Variants in CACNG2 observed in about 807,000 individuals in gnomAD.
The protein encoded by CACNG2 is calcium voltage-gated channel auxiliary subunit gamma 2.
In CACNG2, 3 loss-of-function variants were observed where a neutral mutation model predicts 25.9. The ratio of observed to expected loss-of-function variants is 0.12; its 90% CI spans 0.05 to 0.30. The LOEUF (loss-of-function observed/expected upper bound fraction) is 0.30, where lower values mean the gene tolerates loss of function less well. Ranked by LOEUF, CACNG2 falls within the 10% of genes least tolerant of loss-of-function variation. CACNG2 has a pLI of 1.00. For synonymous variants in CACNG2, 167 were observed against 173.3 expected (o/e 0.96, Z 0.29); for missense variants, 341 against 432.5 (o/e 0.79, Z 1.88).
intron 1 of CACNG2, among the ~76,000 whole-genome samples, chr22:36,601,668 A>C (rs1217006818): frequency 2.0e-5 from 3 of 152,058 alleles, no homozygotes; most frequent in African/African-American, 7.2e-5. Context: ...TATTTTTAGT[A>C]GAGAGAGGGT....
At chr22:36,671,525 C>T (rs558218026) in intron 1 of CACNG2, among the ~76,000 whole-genome samples, 11 of 152,276 alleles carry the variant, frequency 7.2e-5, no homozygotes, top group South Asian at 2.1e-4. Context: ...CCGCACAAGC[C>T]GAGAGAGGCT....
chr22:36,581,033 C>G (rs908177849), intron 2 of CACNG2, among the ~76,000 whole-genome samples: 1 of 152,164 alleles, frequency 6.6e-6, no homozygotes, highest in Admixed American at 6.5e-5. Flanking sequence ...GCTTGACATT[C>G]AAGAGAAGTC....
At chr22:36,626,839 T>A (rs533955811) in intron 1 of CACNG2, among the ~76,000 whole-genome samples, 1 of 152,298 alleles carries the variant, frequency 6.6e-6, no homozygotes, top group Non-Finnish European at 1.5e-5. Context: ...AGCTTTAGAG[T>A]AAAACGAAGA....
chr22:36,641,164 T>C (rs1256135284), intron 1 of CACNG2, among the ~76,000 whole-genome samples: 3 of 152,190 alleles, frequency 2.0e-5, no homozygotes, highest in Non-Finnish European at 2.9e-5. Context: ...CTTGCCCTGC[T>C]TTATTTTTCT....
At position 36,623,011 on chromosome 22, in the gene CACNG2, G is replaced by GATTTTTTTTTTTTTTTTTTT. The variant is rs1569032646; in HGVS notation, c.212-35464_212-35463insAAAAAAAAAAAAAAAAAAAT. On this transcript the variant is annotated intron_variant, in intron 1 of 3. Coordinates refer to ENST00000300105, the MANE Select transcript of CACNG2 (RefSeq NM_006078.5). Reference sequence around the variant, plus strand: ...TTTCTCATTCAGTCTTCAAAACATGGGTTTTTTTTTTTTTTTTTTTTTTTT... The same window carrying GATTTTTTTTTTTTTTTTTTT: ...TTTCTCATTCAGTCTTCAAAACATGGATTTTTTTTTTTTTTTTTTTGTTTTTTTTTTTTTTTTTTTTTTTT... Among the ~76,000 whole-genome samples the GATTTTTTTTTTTTTTTTTTT allele has an allele frequency of 3.2e-5, 3 of 93,224 alleles. 1 individual carries two copies. The highest frequency in any genetic ancestry group is 8.8e-5 in the African/African-American group (2 of 22,754). 61.2% of individuals were successfully genotyped at this position (93,224 alleles called of 152,430 possible).
chr22:36,687,418 CTT>C (rs1354551135), intron 1 of CACNG2, among the ~76,000 whole-genome samples: 2 of 152,192 alleles, frequency 1.3e-5, no homozygotes, highest in Non-Finnish European at 2.9e-5. Flanking sequence ...TGAACAAACT[CTT>C]TGTCTTATTT....
At chr22:36,567,872 C>T (rs2283968) in intron 2 of CACNG2, among the ~76,000 whole-genome samples, 3 of 151,818 alleles carry the variant, frequency 2.0e-5, no homozygotes, top group African/African-American at 4.8e-5. Flanking sequence ...TTTTTTGAGA[C>T]GGAGTCTTCC....
intron 1 of CACNG2, among the ~76,000 whole-genome samples, chr22:36,633,199 A>G (rs1936302627): frequency 6.6e-6 from 1 of 151,762 alleles, no homozygotes; most frequent in Non-Finnish European, 1.5e-5. Flanking sequence ...CACCTAACTC[A>G]TTTTATATTT....
At chr22:36,603,354 TA>T (rs1420384043) in intron 1 of CACNG2, among the ~76,000 whole-genome samples, 2 of 152,204 alleles carry the variant, frequency 1.3e-5, no homozygotes, top group Non-Finnish European at 2.9e-5. Context: ...GCTGTCTCCA[TA>T]ACAGAAAAGT....
chr22:36,650,012 G>A (rs1936582893), intron 1 of CACNG2, among the ~76,000 whole-genome samples: 1 of 152,196 alleles, frequency 6.6e-6, no homozygotes, highest in East Asian at 1.9e-4. Flanking sequence ...CACTTCTCCT[G>A]TGGCTATCCC....
At chr22:36,624,852 A>G (rs1936160292) in intron 1 of CACNG2, among the ~76,000 whole-genome samples, 1 of 151,602 alleles carries the variant, frequency 6.6e-6, no homozygotes, top group Admixed American at 6.6e-5. Context: ...ACATGGTGAA[A>G]CCCTGTCTCT....
intron 1 of CACNG2, among the ~76,000 whole-genome samples, chr22:36,679,185 C>CTTT (rs1937057899): frequency 1.3e-4 from 13 of 102,588 alleles, no homozygotes; most frequent in African/African-American, 4.9e-4. Context: ...TTCCTTCCTT[C>CTTT]CTTCCTTCCT....
intron 2 of CACNG2, among the ~76,000 whole-genome samples, chr22:36,572,927 G>C (rs937452816): frequency 1.3e-5 from 2 of 152,206 alleles, no homozygotes; most frequent in African/African-American, 4.8e-5. Flanking sequence ...TGGCATGAGA[G>C]ACATGAGGGG....
At chr22:36,643,218 GCTTC>G (rs1220406649) in intron 1 of CACNG2, among the ~76,000 whole-genome samples, 2 of 117,552 alleles carry the variant, frequency 1.7e-5, no homozygotes, top group South Asian at 5.2e-4. Context: ...TTCCTTCCTT[GCTTC>G]CTTCCTTCCC....
At chr22:36,679,542 ACAGTTTT>A (rs1238738076) in intron 1 of CACNG2, among the ~76,000 whole-genome samples, 99 of 152,290 alleles carry the variant, frequency 6.5e-4, no homozygotes, top group African/African-American at 2.3e-3. Context: ...AATCTACTAA[ACAGTTTT>A]CAGGTGAAAG....
At chr22:36,639,445 C>T (rs1180624443) in intron 1 of CACNG2, among the ~76,000 whole-genome samples, 2 of 152,072 alleles carry the variant, frequency 1.3e-5, no homozygotes, top group Admixed American at 6.5e-5. Context: ...CAAAGAGGGA[C>T]TTATGTGGGT....
intron 2 of CACNG2, among the ~76,000 whole-genome samples, chr22:36,570,721 C>T (rs1327535464): frequency 1.3e-5 from 2 of 149,244 alleles, no homozygotes; most frequent in South Asian, 2.1e-4. Flanking sequence ...TGAGATCGCG[C>T]CACTGCACCC....
intron 1 of CACNG2, among the ~76,000 whole-genome samples, chr22:36,639,564 A>G (rs959798670): frequency 6.6e-6 from 1 of 152,038 alleles, no homozygotes; most frequent in Non-Finnish European, 1.5e-5. Context: ...TCTTTTGGGA[A>G]CCCAACCTCC....
intron 3 of CACNG2, among the ~76,000 whole-genome samples, chr22:36,565,341 T>A (rs1426976738): frequency 6.6e-6 from 1 of 152,244 alleles, no homozygotes; most frequent in Non-Finnish European, 1.5e-5. Context: ...CAGGCTGGCC[T>A]GCGTTCAAAG....
Sources: allele counts gnomAD v4.1 joint callset (sites outside exome capture counted in the v4.1 genomes callset), GRCh38; gene constraint gnomAD v4.1.1; transcripts MANE v1.5; gene names NCBI Gene and HGNC (gene_info 2026-07-23, HGNC 2026-07-21).